The following APOBEC2 variants were observed in gnomAD, a reference collection of about 807,000 sequenced individuals.
APOBEC2 encodes the protein C->U-editing enzyme APOBEC-2.
A neutral mutation model predicts 19.4 loss-of-function variants in APOBEC2; 14 were observed. The ratio of observed to expected loss-of-function variants is 0.72; its 90% confidence interval spans 0.48 to 1.13. The LOEUF is 1.13. Ranked by LOEUF, APOBEC2 falls within the 50% of genes most tolerant of loss-of-function variation. APOBEC2 has a pLI of 0.00. For missense variants in APOBEC2, 304 were observed against 277.0 expected (o/e 1.10, Z -0.69); for synonymous variants, 127 against 112.1 (o/e 1.13, Z -0.84).
chr6:41,054,733 G>C (rs1762773392), intron 1 of APOBEC2, among the ~76,000 whole-genome samples: 1 of 152,210 alleles, frequency 6.6e-6, no homozygotes, highest in Non-Finnish European at 1.5e-5. Context: ...TAGACACAGG[G>C]AAAGCCTAAG....
rs147000462 is a variant in APOBEC2, at chr6:41,061,656, C to A, written c.460C>A (p.Leu154Ile). ...GCGTCTGCTCATTCTGGTGGGTCGA[C>A]TCTTCATGTGGGAGGAGCCGGAGAT... ...NLRLLILVGR[L>I]FMWEEPEIQA... Residue 154 changes from leucine to isoleucine, a missense_variant, in exon 2 of 3, where the codon CTC becomes ATC. Physicochemically the swap from Leu to Ile is conservative, Grantham distance 5. Coordinates refer to ENST00000244669, the MANE Select transcript of APOBEC2 (RefSeq NM_006789.4). 5 of 1,614,128 alleles carry A rather than the reference C, an allele frequency of 3.1e-6. No homozygotes were observed. Among genetic ancestry groups the A allele is most frequent in the Non-Finnish European group, 4.2e-6 (5 of 1,180,052 alleles).
intron 1 of APOBEC2, among the ~76,000 whole-genome samples, chr6:41,056,912 T>A (rs1048253990): frequency 6.6e-6 from 1 of 152,150 alleles, no homozygotes; most frequent in Non-Finnish European, 1.5e-5. Flanking sequence ...CCCTGGCTCA[T>A]GCCTGCTTCT....
intron 1 of APOBEC2, among the ~76,000 whole-genome samples, chr6:41,054,354 T>G (rs1424000657): frequency 6.6e-6 from 1 of 152,168 alleles, no homozygotes; most frequent in Non-Finnish European, 1.5e-5. Context: ...GAACCAAACG[T>G]TCCCTTCATG....
chr6:41,053,212 C>A lies in APOBEC2; in HGVS notation c.-136C>A. Reference sequence around the variant, plus strand: ...TAAGTGGGGAAAGCACGAAGCCTGGCCTGCTGGGTCCTTTTCCCGTCATCC... The same window carrying A: ...TAAGTGGGGAAAGCACGAAGCCTGGACTGCTGGGTCCTTTTCCCGTCATCC... On this transcript the variant is annotated 5_prime_UTR_variant, in exon 1 of 3. Transcript: ENST00000244669. The A allele has an allele frequency of 1.6e-6, 2 of 1,226,408 alleles. No individual in the cohort carries two copies. 76.0% of individuals were successfully genotyped at this position (1,226,408 alleles called of 1,614,324 possible). A position where few individuals can be genotyped will look rare whatever the true frequency, so the allele number is the denominator to read the frequency against.
Position 41,061,805 on chromosome 6 carries a change from G to A in APOBEC2, c.609G>A (p.Gln203=), listed in dbSNP as rs771846295. 1 of 1,614,186 alleles carries A rather than the reference G, an allele frequency of 6.2e-7. No individual in the cohort carries two copies. The highest frequency in any genetic ancestry group is 1.7e-5 in the Admixed American group (1 of 60,026). Residue 203 remains glutamine (Q), a synonymous_variant, in exon 2 of 3, where the codon CAG becomes CAA. Coordinates refer to ENST00000244669, the MANE Select transcript of APOBEC2 (RefSeq NM_006789.4). The part of the protein sequence containing the change: ...EQEEGESKAF[Q]PWEDIQENFL... The stretch of plus-strand genomic sequence containing the variant: ...AAGAGGGTGAATCCAAGGCCTTTCA[G>A]CCCTGGGAGGACATTCAGGAGAACT...
intron 1 of APOBEC2, among the ~76,000 whole-genome samples, chr6:41,055,344 A>G (rs1322338270): frequency 6.6e-6 from 1 of 152,208 alleles, no homozygotes; most frequent in Non-Finnish European, 1.5e-5. Context: ...TTCAGGTGGG[A>G]GCAGAGCGCT....
At chr6:41,056,780 CT>C (rs1364611699) in intron 1 of APOBEC2, among the ~76,000 whole-genome samples, 16 of 152,238 alleles carry the variant, frequency 1.1e-4, no homozygotes, top group Middle Eastern at 3.4e-3. Context: ...GAATAAGAAC[CT>C]TTTGGGTGGT....
chr6:41,056,550 C>G (rs922090102), intron 1 of APOBEC2, among the ~76,000 whole-genome samples: 6 of 152,168 alleles, frequency 3.9e-5, no homozygotes, highest in African/African-American at 1.4e-4. Context: ...GATGTGAACC[C>G]CAGGACTGTC....
Position 41,053,398 on chromosome 6 carries a change from TG to T in APOBEC2, c.55del (p.Glu19ArgfsTer12). The T allele has an allele frequency of 5.0e-6, 8 of 1,614,068 alleles. No homozygotes were observed. Among genetic ancestry groups the T allele is most frequent in the South Asian group, 2.2e-5 (2 of 91,082 alleles). The part of the protein sequence containing the change: ...AVATEAASQN[G>X]EDLENLDDPE... ...TGGCCACTGAGGCTGCCTCCCAGAA[TG>T]GGGAGGATCTGGAGAACCTGGACGA... On this transcript the variant is annotated frameshift_variant, in exon 1 of 3. Transcript: ENST00000244669. LOFTEE classifies it high-confidence loss of function.
At position 41,053,335 on chromosome 6, in the gene APOBEC2, C is replaced by G. The variant is rs1413855861; in HGVS notation, c.-13C>G. Reference sequence around the variant, plus strand: ...CTCCTCTCCCTCAGTGACTCCTGAGCCACAGCCCCTCCATGGCCCAGAAGG... The same window carrying G: ...CTCCTCTCCCTCAGTGACTCCTGAGGCACAGCCCCTCCATGGCCCAGAAGG... On this transcript the variant is annotated 5_prime_UTR_variant, in exon 1 of 3. Transcript: ENST00000244669. The G allele has an allele frequency of 1.2e-6, 2 of 1,611,466 alleles. No individual in the cohort carries two copies. The highest frequency in any genetic ancestry group is 8.5e-7 in the Non-Finnish European group (1 of 1,179,438).
Position 41,053,272 on chromosome 6 carries a change from C to A in APOBEC2, c.-76C>A. 2.6e-6 allele frequency: 4 copies of A among 1,546,538 alleles called. No homozygotes were observed. Among genetic ancestry groups the A allele is most frequent in the Non-Finnish European group, 1.7e-6 (2 of 1,150,084 alleles). ...TTTAGCTGCTGACAGCTGCTTGGGA[C>A]TCTGCCGCCAGGGCCTGGCCCAGAC... On this transcript the variant is annotated 5_prime_UTR_variant, in exon 1 of 3. Coordinates refer to ENST00000244669, the MANE Select transcript of APOBEC2 (RefSeq NM_006789.4).
intron 1 of APOBEC2, among the ~76,000 whole-genome samples, chr6:41,056,842 T>C (rs1013912310): frequency 6.6e-6 from 1 of 152,190 alleles, no homozygotes; most frequent in Non-Finnish European, 1.5e-5. Flanking sequence ...GGAGGGTTTC[T>C]TGAGGACAGC....
chr6:41,055,966 C>T (rs1282975482), intron 1 of APOBEC2, among the ~76,000 whole-genome samples: 1 of 152,106 alleles, frequency 6.6e-6, no homozygotes, highest in Middle Eastern at 3.2e-3. Context: ...ATGAGTGTTA[C>T]ACTTATCAGC....
intron 1 of APOBEC2, among the ~76,000 whole-genome samples, chr6:41,058,263 A>G (rs1367772262): frequency 7.2e-6 from 1 of 138,724 alleles, no homozygotes; most frequent in East Asian, 2.1e-4. Context: ...ACCACCACCC[A>G]CCACCACCAC....
In APOBEC2 at chr6:41,061,407, T is replaced by A. The variant is rs778309653; in HGVS notation, c.211T>A (p.Cys71Ser). 2 of 1,604,930 alleles carry A rather than the reference T, an allele frequency of 1.2e-6. No individual in the cohort carries two copies. Among genetic ancestry groups the A allele is most frequent in the Non-Finnish European group, 1.7e-6 (2 of 1,175,828 alleles). The change falls in exon 2 of 3, where the codon TGC becomes AGC. Residue 71 changes from cysteine to serine, a missense_variant. Physicochemically the swap from Cys to Ser is moderately radical, Grantham distance 112. Transcript: ENST00000244669. The part of the protein sequence containing the change: ...YSSGRNKTFL[C>S]YVVEAQGKGG... The stretch of plus-strand genomic sequence containing the variant: ...TTCCGGGAGGAACAAGACCTTCCTC[T>A]GCTATGTGGTTGAAGCACAGGGCAA...
chr6:41,061,277 G>GA lies in APOBEC2; in HGVS notation c.132-48dup, dbSNP rs564119467. ...AGCTACCTACTCTAGGCTGGTTCTA[G>GA]AAACAAGAACTTATCATTCTTTCCT... On this transcript the variant is annotated intron_variant, in intron 1 of 2. Transcript: ENST00000244669. 1,099 of 1,468,638 alleles carry GA rather than the reference G, an allele frequency of 7.5e-4. 9 individuals are homozygous for GA. In the Middle Eastern group the frequency reaches 0.025, roughly 34 times the overall value. 91.0% of individuals were successfully genotyped at this position (1,468,638 alleles called of 1,614,324 possible). A position where few individuals can be genotyped will look rare whatever the true frequency, so the allele number is the denominator to read the frequency against.
intron 2 of APOBEC2, among the ~76,000 whole-genome samples, chr6:41,063,260 T>C (rs1276731220): frequency 1.3e-5 from 2 of 152,216 alleles, no homozygotes; most frequent in Non-Finnish European, 2.9e-5. Context: ...TATGATAGGG[T>C]ATACTGTGTG....
intron 2 of APOBEC2, among the ~76,000 whole-genome samples, chr6:41,063,795 CTT>C (rs1159315160): frequency 6.9e-6 from 1 of 144,440 alleles, no homozygotes; most frequent in African/African-American, 2.7e-5. Context: ...CTTATTTCAT[CTT>C]TCTTTTTTTT....
intron 1 of APOBEC2, among the ~76,000 whole-genome samples, chr6:41,059,644 C>A (rs949139345): frequency 6.6e-6 from 1 of 152,208 alleles, no homozygotes; most frequent in Non-Finnish European, 1.5e-5. Flanking sequence ...TCAAACACAT[C>A]CATCTCCACA....
Sources: gnomAD v4.1 joint callset for allele counts (sites outside exome capture counted in the v4.1 genomes callset) on GRCh38, gnomAD v4.1.1 for gene constraint, MANE v1.5 for transcripts, NCBI Gene and HGNC (gene_info 2026-07-23, HGNC 2026-07-21) for gene names.